Variants in TBC1D30 observed in about 807,000 individuals in gnomAD.
The protein encoded by TBC1D30 is TBC1 domain family member 30, also known as TBC1 domain family, member 30.
A neutral mutation model predicts 63.2 loss-of-function variants in TBC1D30; 31 were observed. The ratio of observed to expected loss-of-function variants is 0.49; its 90% confidence interval spans 0.37 to 0.66. TBC1D30 has a LOEUF of 0.66. Among genes scored for constraint, TBC1D30 ranks in the 30% least tolerant of loss-of-function variants. TBC1D30 has a pLI of 0.00. For missense variants in TBC1D30, 810 were observed against 953.6 expected, an observed-to-expected ratio of 0.85 and a Z score of 1.98; for synonymous variants, 307 against 361.5, an observed-to-expected ratio of 0.85 and a Z score of 1.71.
intron 5 of TBC1D30, among the ~76,000 whole-genome samples, chr12:64,835,635 GCAAA>G (rs1875280505): frequency 6.6e-6 from 1 of 152,122 alleles, no homozygotes; most frequent in African/African-American, 2.4e-5. Flanking sequence ...TCAGAGAACT[GCAAA>G]CAAAGAAAGT....
intron 8 of TBC1D30, among the ~76,000 whole-genome samples, chr12:64,850,602 C>A (rs892095993): frequency 1.3e-5 from 2 of 152,292 alleles, no homozygotes; most frequent in African/African-American, 2.4e-5. Flanking sequence ...ATTGAACCAG[C>A]CTTGCATCCC....
intron 2 of TBC1D30, among the ~76,000 whole-genome samples, chr12:64,797,863 T>G (rs1249782636): frequency 6.6e-6 from 1 of 152,210 alleles, no homozygotes; most frequent in East Asian, 1.9e-4. Context: ...ATCATCCTTC[T>G]TCTTGTCTCT....
chr12:64,800,522 A>T (rs149047528), intron 2 of TBC1D30, among the ~76,000 whole-genome samples: 2 of 152,140 alleles, frequency 1.3e-5, no homozygotes, highest in Admixed American at 1.3e-4. Flanking sequence ...GATATTTAGG[A>T]GGGAGATTCA....
intron 8 of TBC1D30, among the ~76,000 whole-genome samples, chr12:64,860,146 T>A (rs1251679007): frequency 6.6e-6 from 1 of 151,778 alleles, no homozygotes; most frequent in African/African-American, 2.4e-5. Flanking sequence ...GCCCCCCAAG[T>A]AACTGAGTCT....
At chr12:64,766,486 C>G (rs1870718244) in intron 1 of TBC1D30, among the ~76,000 whole-genome samples, 1 of 152,136 alleles carries the variant, frequency 6.6e-6, no homozygotes, top group African/African-American at 2.4e-5. Context: ...AAGGTTCAAT[C>G]CATCAGGAAG....
upstream of TBC1D30, among the ~76,000 whole-genome samples, chr12:64,777,748 A>T (rs1039592561): frequency 2.6e-5 from 4 of 152,332 alleles, no homozygotes; most frequent in African/African-American, 9.6e-5. Context: ...ACAGAACTAG[A>T]AAAAACTATT....
chr12:64,759,973 C>T (rs1870438124), intron 1 of TBC1D30, among the ~76,000 whole-genome samples: 1 of 152,158 alleles, frequency 6.6e-6, no homozygotes, highest in Non-Finnish European at 1.5e-5. Context: ...ACATTAAATT[C>T]GGAACTGGTT....
chr12:64,871,810 T>C (rs768015033), intron 11 of TBC1D30, among the ~76,000 whole-genome samples: 46 of 152,206 alleles, frequency 3.0e-4, no homozygotes, highest in Admixed American at 4.6e-4. Flanking sequence ...CAGGGTTATA[T>C]AGCTATAGTG....
At chr12:64,793,773 G>C (rs1315423718) in intron 2 of TBC1D30, among the ~76,000 whole-genome samples, 1 of 152,214 alleles carries the variant, frequency 6.6e-6, no homozygotes, top group Non-Finnish European at 1.5e-5. Flanking sequence ...GAAGCCTCTT[G>C]TGTTGACTTC....
intron 9 of TBC1D30, among the ~76,000 whole-genome samples, chr12:64,865,948 C>A (rs150301232): frequency 6.6e-6 from 1 of 152,272 alleles, no homozygotes; most frequent in African/African-American, 2.4e-5. Flanking sequence ...TGGCATACTG[C>A]GGCCTTAACC....
chr12:64,817,781 G>A (rs1375138337), intron 2 of TBC1D30, among the ~76,000 whole-genome samples: 1 of 152,112 alleles, frequency 6.6e-6, no homozygotes, highest in African/African-American at 2.4e-5. Context: ...AAGAATCTTT[G>A]GGCCTGGCAC....
intron 7 of TBC1D30, among the ~76,000 whole-genome samples, chr12:64,842,064 T>C (rs541327672): frequency 6.6e-6 from 1 of 152,220 alleles, no homozygotes; most frequent in South Asian, 2.1e-4. Context: ...TCATATAAAA[T>C]GGAAATACCT....
At chr12:64,836,397 G>GTTTTATCTAT in intron 5 of TBC1D30, 93 bp from the exon 6 acceptor site, 1 of 1,038,822 alleles carries the variant, frequency 9.6e-7, no homozygotes, top group Non-Finnish European at 1.4e-6. Flanking sequence ...GGCTAACAGC[G>GTTTTATCTAT]TTTTATCTAT....
At chr12:64,824,176 A>C (rs946992902), upstream of TBC1D30, among the ~76,000 whole-genome samples, 2 of 151,476 alleles carry the variant, frequency 1.3e-5, no homozygotes, top group Non-Finnish European at 2.9e-5. Context: ...AAAAGAGAAC[A>C]CTTTTTTTCT....
chr12:64,862,245 G>A (rs1315841695), intron 8 of TBC1D30, among the ~76,000 whole-genome samples: 2 of 152,174 alleles, frequency 1.3e-5, no homozygotes, highest in East Asian at 3.9e-4. Context: ...TGCTATGTCG[G>A]TGTGCCAGGG....
At chr12:64,759,523 C>G (rs997451486) in exon 1 of TBC1D30, 1 of 485,876 alleles carries the variant, frequency 2.1e-6, no homozygotes. Flanking sequence ...AGGGAGGCAT[C>G]AGGCAGTGGC....
chr12:64,797,137 C>T (rs1357883211), intron 2 of TBC1D30, among the ~76,000 whole-genome samples: 1 of 152,030 alleles, frequency 6.6e-6, no homozygotes. Flanking sequence ...GGCTCCCCAG[C>T]CCAGACATTC....
intron 10 of TBC1D30, 34 bp from the exon 11 acceptor site, chr12:64,870,568 G>A (rs1342274008): frequency 1.3e-6 from 2 of 1,517,208 alleles, no homozygotes; most frequent in Non-Finnish European, 1.8e-6. Context: ...CCCCTCCACC[G>A]ACCATCTCCT....
chr12:64,826,152 A>T (rs1354877060), intron 1 of TBC1D30, among the ~76,000 whole-genome samples: 1 of 152,134 alleles, frequency 6.6e-6, no homozygotes, highest in Non-Finnish European at 1.5e-5. Context: ...TGATTATCAG[A>T]TGAAACATAA....
Sources: gnomAD v4.1 joint callset for allele counts (sites outside exome capture counted in the v4.1 genomes callset) on GRCh38, gnomAD v4.1.1 for gene constraint, MANE v1.5 for transcripts, NCBI Gene and HGNC (gene_info 2026-07-23, HGNC 2026-07-21) for gene names.